The following ZDHHC5 variants were observed in gnomAD, a reference collection of about 807,000 sequenced individuals.
ZDHHC5 encodes zDHHC palmitoyltransferase 5.
Under a neutral mutation model 70.0 loss-of-function variants are expected in ZDHHC5, and 22 were observed. The observed-to-expected ratio is 0.31, with a 90% CI of 0.22 to 0.45. The LOEUF (loss-of-function observed/expected upper bound fraction) is 0.45. ZDHHC5 is among the 20% of genes least tolerant of loss of function. The pLI, the probability that ZDHHC5 is intolerant of heterozygous loss-of-function variation, is 1.00. For synonymous variants in ZDHHC5, 313 were observed against 347.8 expected (o/e 0.90, Z 1.11); for missense variants, 746 against 926.9 (o/e 0.80, Z 2.53).
intron 8 of ZDHHC5, among the ~76,000 whole-genome samples, chr11:57,694,519 G>A (rs532058549): frequency 2.0e-5 from 3 of 152,056 alleles, no homozygotes; most frequent in South Asian, 2.1e-4. Context: ...GCGCCACCAC[G>A]CCTGGCTAAT....
At chr11:57,694,758 T>C (rs1316853913) in intron 8 of ZDHHC5, among the ~76,000 whole-genome samples, 1 of 152,216 alleles carries the variant, frequency 6.6e-6, no homozygotes, top group African/African-American at 2.4e-5. Flanking sequence ...TGGTAGGAGC[T>C]AAACAAGTAG....
Position 57,700,054 on chromosome 11 carries a change from A to G in ZDHHC5, c.*23A>G, listed in dbSNP as rs376192237. On this transcript the variant is annotated 3_prime_UTR_variant, in exon 12 of 12. Coordinates refer to ENST00000287169, the MANE Select transcript of ZDHHC5 (RefSeq NM_015457.3). ...TGAGCCTTCGGCACCTCCCCTCCCC[A>G]ACGCCTCTGCGCCTACACCAAAGGG... is the stretch of plus-strand genomic sequence containing the variant. 13 of 1,548,464 alleles carry G rather than the reference A, an allele frequency of 8.4e-6. No individual in the cohort carries two copies. In the African/African-American group the frequency reaches 1.5e-4, roughly 18 times the overall value.
Position 57,692,664 on chromosome 11 carries a change from C to T in ZDHHC5, c.714C>T (p.Asn238=). The T allele has an allele frequency of 6.2e-7, 1 of 1,614,114 alleles. No individual in the cohort carries two copies. Among genetic ancestry groups the T allele is most frequent in the Non-Finnish European group, 8.5e-7 (1 of 1,180,022 alleles). ...ACCCCTTCACCAATGGCTGCTGTAA[C>T]AATGTCAGCCGTGTTCTCTGCAGTT... ...GVNPFTNGCC[N]NVSRVLCSSP... The change falls in exon 7 of 12, where the codon AAC becomes AAT. Residue 238 remains asparagine (N), a synonymous_variant. Coordinates refer to ENST00000287169, the MANE Select transcript of ZDHHC5 (RefSeq NM_015457.3).
chr11:57,686,774 AAT>A (rs1195435832), intron 3 of ZDHHC5, among the ~76,000 whole-genome samples: 1 of 152,090 alleles, frequency 6.6e-6, no homozygotes, highest in Non-Finnish European at 1.5e-5. Context: ...AGACTTAAAA[AAT>A]ATATGTGTAT....
chr11:57,669,520 T>A (rs1388109673), intron 1 of ZDHHC5, among the ~76,000 whole-genome samples: 3 of 152,160 alleles, frequency 2.0e-5, no homozygotes, highest in Admixed American at 1.3e-4. Flanking sequence ...CAGTGGCTGC[T>A]ATCTTGGCTC....
chr11:57,675,346 TGAA>T (rs972928029), intron 2 of ZDHHC5, among the ~76,000 whole-genome samples: 1 of 152,212 alleles, frequency 6.6e-6, no homozygotes, highest in South Asian at 2.1e-4. Flanking sequence ...CTGGAACCAT[TGAA>T]GTGTTTGACT....
At chr11:57,687,257 A>AT (rs11454134) in intron 3 of ZDHHC5, among the ~76,000 whole-genome samples, 149,284 of 149,838 alleles carry the variant, frequency 1, 74,366 homozygotes, top group East Asian at 1. Context: ...TCCTTCCCAC[A>AT]TTTTTTTTTT....
chr11:57,699,457 A>G, intron 11 of ZDHHC5, 39 bp downstream of exon 11: 1 of 1,518,172 alleles, frequency 6.6e-7, no homozygotes, highest in Non-Finnish European at 8.8e-7. Flanking sequence ...GCCAATTTCA[A>G]ATTAGCATAC....
Position 57,699,377 on chromosome 11 carries a change from T to G in ZDHHC5, c.1941T>G (p.Ser647=). 1 of 1,599,142 alleles carries G rather than the reference T, an allele frequency of 6.3e-7. No homozygotes were observed. Among genetic ancestry groups the G allele is most frequent in the Non-Finnish European group, 8.5e-7 (1 of 1,171,786 alleles). ...YSSQKAQPGV[S]ETEEVALQPL... is the part of the protein sequence containing the mutation. ...GCCAAAAAGCCCAACCTGGTGTCTCTGAGACAGAAGAAGTGGCCTTGCAGC... is the reference window on the plus strand; with the variant it reads ...GCCAAAAAGCCCAACCTGGTGTCTCGGAGACAGAAGAAGTGGCCTTGCAGC... Residue 647 remains serine (S), a synonymous_variant, in exon 11 of 12, where the codon TCT becomes TCG. Coordinates refer to ENST00000287169, the MANE Select transcript of ZDHHC5 (RefSeq NM_015457.3).
chr11:57,698,932 C>G lies in ZDHHC5; in HGVS notation c.1496C>G (p.Ser499Cys). ...CCAGACCCACCTTTAGGCTATACCTCTCCCTTCCTGTCAGCCAGGCTGGCC... is the reference window on the plus strand; with the variant it reads ...CCAGACCCACCTTTAGGCTATACCTGTCCCTTCCTGTCAGCCAGGCTGGCC... ...PEPDPPLGYT[S>C]PFLSARLAQQ... Residue 499 changes from serine to cysteine, a missense_variant, in exon 11 of 12, where the codon TCT (serine) becomes TGT (cysteine). By Grantham distance (112) the Ser-to-Cys change is moderately radical. Transcript: ENST00000287169. The G allele has an allele frequency of 2.5e-6, 4 of 1,614,062 alleles. No individual in the cohort carries two copies. The South Asian group carries it at 3.3e-5, about 13-fold the overall frequency.
At position 57,671,771 on chromosome 11, in the gene ZDHHC5, G is replaced by C. The variant is rs543352317; in HGVS notation, c.-1070-250G>C. 2.0e-5 allele frequency among the ~76,000 whole-genome samples: 3 copies of C among 152,292 alleles called. No homozygotes were observed. The South Asian group carries it at 6.2e-4, about 32-fold the overall frequency. On this transcript the variant is annotated intron_variant, in intron 1 of 11. Transcript: ENST00000287169. Reference sequence around the variant, plus strand: ...GTCAGGTGAGATGGGCCCCTTACAAGAGCTAGTCCTTTGATGTCCTTTGGC... The same window carrying C: ...GTCAGGTGAGATGGGCCCCTTACAACAGCTAGTCCTTTGATGTCCTTTGGC...
intron 2 of ZDHHC5, among the ~76,000 whole-genome samples, chr11:57,676,082 C>T (rs1203139161): frequency 5.3e-5 from 8 of 152,146 alleles, no homozygotes; most frequent in Admixed American, 5.2e-4. Flanking sequence ...GAGTCCCTTT[C>T]AGGTAACAGA....
chr11:57,697,041 A>G (rs1946362108), intron 10 of ZDHHC5, among the ~76,000 whole-genome samples, 168 bp downstream of exon 10: 1 of 151,944 alleles, frequency 6.6e-6, no homozygotes, highest in Non-Finnish European at 1.5e-5. Context: ...CTAAAAATAC[A>G]AAAATTAGGC....
At chr11:57,681,068 T>C (rs1946144406) in intron 2 of ZDHHC5, among the ~76,000 whole-genome samples, 1 of 152,206 alleles carries the variant, frequency 6.6e-6, no homozygotes, top group Admixed American at 6.5e-5. Flanking sequence ...TCAAAATGAA[T>C]GGCTGAATGG....
At chr11:57,690,231 G>T (rs372139507) in intron 5 of ZDHHC5, 28 bp downstream of exon 5, 2 of 1,613,068 alleles carry the variant, frequency 1.2e-6, no homozygotes, top group African/African-American at 2.7e-5. Flanking sequence ...TTAGATTGTG[G>T]GATTGGAAGG....
At chr11:57,697,038 T>TA (rs1946362016) in intron 10 of ZDHHC5, among the ~76,000 whole-genome samples, 165 bp downstream of exon 10, 1 of 151,084 alleles carries the variant, frequency 6.6e-6, no homozygotes, top group Non-Finnish European at 1.5e-5. Context: ...CTACTAAAAA[T>TA]ACAAAAATTA....
chr11:57,691,577 A>G (rs1007236457), intron 6 of ZDHHC5, among the ~76,000 whole-genome samples: 7 of 152,324 alleles, frequency 4.6e-5, no homozygotes, highest in African/African-American at 1.7e-4. Flanking sequence ...TGAAATATCA[A>G]TTGAGAGACC....
At chr11:57,681,153 G>A (rs921354139) in intron 2 of ZDHHC5, among the ~76,000 whole-genome samples, 1 of 152,176 alleles carries the variant, frequency 6.6e-6, no homozygotes, top group Non-Finnish European at 1.5e-5. Flanking sequence ...ATCTTGATTT[G>A]CTTGTATCTC....
In ZDHHC5 at chr11:57,699,854, T is replaced by C. The variant is rs756302660; in HGVS notation, c.1983-12T>C. The C allele has an allele frequency of 1.2e-6, 2 of 1,614,094 alleles. No homozygotes were observed. Among genetic ancestry groups the C allele is most frequent in the Admixed American group, 3.3e-5 (2 of 60,014 alleles). On this transcript the variant is annotated splice_polypyrimidine_tract_variant and intron_variant, in intron 11 of 11. Coordinates refer to ENST00000287169, the MANE Select transcript of ZDHHC5 (RefSeq NM_015457.3). Reference sequence around the variant, plus strand: ...CATTTCCTGACACCTACGTCTTGTCTCTTCTTTCCAGAGATGAAGTACAGC... The same window carrying C: ...CATTTCCTGACACCTACGTCTTGTCCCTTCTTTCCAGAGATGAAGTACAGC...
Sources: gnomAD v4.1 joint callset for allele counts (sites outside exome capture counted in the v4.1 genomes callset) on GRCh38, gnomAD v4.1.1 for gene constraint, MANE v1.5 for transcripts, NCBI Gene and HGNC (gene_info 2026-07-23, HGNC 2026-07-21) for gene names.